ANO6: variants seen among roughly 807,000 people sequenced by gnomAD.
ANO6 encodes the protein anoctamin 6, also known as anoctamin-6.
ANO6 carries 106 observed loss-of-function variants against 117.5 expected under a neutral mutation model. The observed-to-expected ratio is 0.90, with a 90% CI of 0.77 to 1.06. ANO6 has a LOEUF of 1.06. ANO6 is among the 50% of genes least tolerant of loss of function. The pLI is 0.00. For synonymous variants in ANO6, 367 were observed against 385.1 expected, an observed-to-expected ratio of 0.95 and a Z score of 0.55; for missense variants, 955 against 1,121.1, an observed-to-expected ratio of 0.85 and a Z score of 2.12.
chr12:45,259,913 T>C (rs1937966975), intron 1 of ANO6, among the ~76,000 whole-genome samples: 1 of 152,228 alleles, frequency 6.6e-6, no homozygotes, highest in African/African-American at 2.4e-5. Context: ...CCACAGGCAC[T>C]GTAGGTCAGC....
At chr12:45,264,318 G>A (rs1210770237) in intron 1 of ANO6, among the ~76,000 whole-genome samples, 1 of 152,198 alleles carries the variant, frequency 6.6e-6, no homozygotes, top group Non-Finnish European at 1.5e-5. Context: ...AAATTATGCT[G>A]ATAAGTTTGC....
chr12:45,226,101 A>G (rs1483899293), intron 1 of ANO6, among the ~76,000 whole-genome samples: 1 of 152,230 alleles, frequency 6.6e-6, no homozygotes, highest in African/African-American at 2.4e-5. Context: ...TATGTCAACA[A>G]TAGAATATTT....
At chr12:45,312,763 GA>G (rs1415429572) in intron 2 of ANO6, among the ~76,000 whole-genome samples, 1 of 151,954 alleles carries the variant, frequency 6.6e-6, no homozygotes, top group Non-Finnish European at 1.5e-5. Flanking sequence ...TTGAAATGTA[GA>G]ATAATGTGAC....
At chr12:45,289,663 GA>G (rs1939032312) in intron 1 of ANO6, among the ~76,000 whole-genome samples, 1 of 152,134 alleles carries the variant, frequency 6.6e-6, no homozygotes, top group Non-Finnish European at 1.5e-5. Context: ...TTTACTTTCT[GA>G]GTTAGAGTTT....
chr12:45,274,348 C>T (rs923402343), intron 1 of ANO6, among the ~76,000 whole-genome samples: 1 of 152,142 alleles, frequency 6.6e-6, no homozygotes, highest in African/African-American at 2.4e-5. Context: ...TGATTTGTTT[C>T]GTGAGTCTAT....
At chr12:45,422,247 CAGAT>C (rs1943383594) in intron 18 of ANO6, among the ~76,000 whole-genome samples, 1 of 152,064 alleles carries the variant, frequency 6.6e-6, no homozygotes, top group Non-Finnish European at 1.5e-5. Flanking sequence ...TTATAACAAG[CAGAT>C]AGCACTCTGT....
intron 1 of ANO6, among the ~76,000 whole-genome samples, chr12:45,244,797 G>A (rs866288716): frequency 4.3e-4 from 65 of 152,236 alleles, no homozygotes; most frequent in Admixed American, 9.8e-4. Flanking sequence ...GGGTACTGGT[G>A]GCAAGACAAA....
In ANO6 at chr12:45,255,329, G is replaced by A. The variant is rs562393245; in HGVS notation, c.70+38938G>A. ...ATCTTGGCCAACATGGTGAAACCCCGTCTCTACTAAAAATACAACAACAAT... is the reference window on the plus strand; with the variant it reads ...ATCTTGGCCAACATGGTGAAACCCCATCTCTACTAAAAATACAACAACAAT... On this transcript the variant is annotated intron_variant, in intron 1 of 19. Transcript: ENST00000320560. Among the ~76,000 whole-genome samples, 7 of 152,060 alleles carry A rather than the reference G, an allele frequency of 4.6e-5. No homozygotes were observed. In the South Asian group the frequency reaches 1.0e-3, roughly 23 times the overall value.
At chr12:45,278,516 A>C (rs1938620900) in intron 1 of ANO6, among the ~76,000 whole-genome samples, 1 of 152,006 alleles carries the variant, frequency 6.6e-6, no homozygotes. Context: ...TTTATCTTTC[A>C]AGCCTTCTGT....
chr12:45,411,256 A>G (rs576938064), intron 16 of ANO6, among the ~76,000 whole-genome samples: 38 of 152,312 alleles, frequency 2.5e-4, no homozygotes, highest in African/African-American at 8.9e-4. Flanking sequence ...AGAGTTTCAT[A>G]GGCTCTTTAA....
chr12:45,415,196 A>T (rs1440516445), intron 16 of ANO6, among the ~76,000 whole-genome samples: 1 of 149,654 alleles, frequency 6.7e-6, no homozygotes, highest in Non-Finnish European at 1.5e-5. Context: ...GGCACATCCT[A>T]CCACTCATTC....
At chr12:45,314,072 G>GA (rs1291766267) in intron 2 of ANO6, among the ~76,000 whole-genome samples, 1 of 152,022 alleles carries the variant, frequency 6.6e-6, no homozygotes, top group Non-Finnish European at 1.5e-5. Context: ...TTGATTGAAT[G>GA]AAAGACTATA....
intron 2 of ANO6, among the ~76,000 whole-genome samples, chr12:45,317,050 G>C (rs1940054870): frequency 7.3e-6 from 1 of 137,650 alleles, no homozygotes; most frequent in Admixed American, 7.4e-5. Context: ...CAGTAAGAAG[G>C]GTATCATTTT....
chr12:45,278,252 C>T (rs1938613937), intron 1 of ANO6, among the ~76,000 whole-genome samples: 1 of 152,154 alleles, frequency 6.6e-6, no homozygotes, highest in Non-Finnish European at 1.5e-5. Context: ...CCACCGTGCC[C>T]AACCCCCAAC....
chr12:45,265,932 T>C (rs1237994067), intron 1 of ANO6, among the ~76,000 whole-genome samples: 4 of 152,192 alleles, frequency 2.6e-5, no homozygotes, highest in Admixed American at 2.6e-4. Context: ...GTTAGGATCT[T>C]AGGGACACAG....
chr12:45,270,420 A>G, intron 1 of ANO6: 2 of 1,516,694 alleles, frequency 1.3e-6, no homozygotes, highest in Non-Finnish European at 1.8e-6. Flanking sequence ...ACCATCCCTT[A>G]TATTGGCCTG....
chr12:45,295,763 T>G (rs1939271966), intron 1 of ANO6, among the ~76,000 whole-genome samples: 1 of 150,682 alleles, frequency 6.6e-6, no homozygotes, highest in Non-Finnish European at 1.5e-5. Flanking sequence ...GTTTCACCAC[T>G]TTAGCCAGGG....
chr12:45,402,022 T>A lies in ANO6; in HGVS notation c.1612+2T>A. On this transcript the variant is annotated splice_donor_variant, in intron 13 of 19. Coordinates refer to ENST00000320560, the MANE Select transcript of ANO6 (RefSeq NM_001025356.3). LOFTEE classifies it high-confidence loss of function. ...TGGCAATTATGATTACTAACTTCGG[T>A]AAGGTCCTACTATAGCTTAGGTAAC... 1 of 1,611,084 alleles carries A rather than the reference T, an allele frequency of 6.2e-7. No individual in the cohort carries two copies. Among genetic ancestry groups the A allele is most frequent in the Non-Finnish European group, 8.5e-7 (1 of 1,177,664 alleles).
At chr12:45,317,297 G>C (rs1445729913) in intron 2 of ANO6, among the ~76,000 whole-genome samples, 1 of 73,486 alleles carries the variant, frequency 1.4e-5, no homozygotes, top group African/African-American at 5.2e-5. Flanking sequence ...ACAGGCCCCC[G>C]TGTGTGATGT....
Sources: gnomAD v4.1 joint callset for allele counts (sites outside exome capture counted in the v4.1 genomes callset) on GRCh38, gnomAD v4.1.1 for gene constraint, MANE v1.5 for transcripts, NCBI Gene and HGNC (gene_info 2026-07-23, HGNC 2026-07-21) for gene names.